SLCO1B1: variants seen among roughly 807,000 people sequenced by gnomAD.
The protein encoded by SLCO1B1 is solute carrier organic anion transporter family member 1B1.
Under a neutral mutation model 70.1 loss-of-function variants are expected in SLCO1B1, and 81 were observed. The ratio of observed to expected loss-of-function variants is 1.16; its 90% CI spans 0.97 to 1.39. SLCO1B1 has a LOEUF of 1.39. Ranked by LOEUF, SLCO1B1 falls within the 40% of genes most tolerant of loss-of-function variation. The pLI, the probability that SLCO1B1 is intolerant of heterozygous loss-of-function variation, is 0.00. For synonymous variants in SLCO1B1, 283 were observed against 271.5 expected (o/e 1.04, Z -0.42); for missense variants, 895 against 799.6 (o/e 1.12, Z -1.44).
rs1215596132 is a variant in SLCO1B1 at position 21,205,961 on chromosome 12, A to G, written c.1425A>G (p.Gly475=). ...AAAGTCAATGGGAACCAGTCTGTGG[A>G]AACAATGGAATAACTTACATCTCAC... ...CDESQWEPVC[G]NNGITYISPC... is the part of the protein sequence containing the mutation. Residue 475 remains glycine, a synonymous_variant, in exon 11 of 15, where the codon GGA becomes GGG. Transcript: ENST00000256958. 1 of 1,612,324 alleles carries G rather than the reference A, an allele frequency of 6.2e-7. No homozygotes were observed. The highest frequency in any genetic ancestry group is 8.5e-7 in the Non-Finnish European group (1 of 1,178,738).
At chr12:21,187,562 G>A (rs909885234) in intron 7 of SLCO1B1, among the ~76,000 whole-genome samples, 1 of 151,862 alleles carries the variant, frequency 6.6e-6, no homozygotes, top group African/African-American at 2.4e-5. Flanking sequence ...CATTACAGAT[G>A]ATACTCTAAC....
Position 21,178,636 on chromosome 12 carries a change from G to T in SLCO1B1, c.542G>T (p.Arg181Leu). The change falls in exon 6 of 15, where the codon CGT becomes CTT. Residue 181 changes from arginine (R) to leucine (L), a missense_variant. Transcript: ENST00000256958. The part of the protein sequence containing the change: ...WIYVFMGNML[R>L]GIGETPIVPL... ...TATGTGTTCATGGGTAATATGCTTC[G>T]TGGAATAGGGGAGACTCCCATAGTA... 2 of 1,607,990 alleles carry T rather than the reference G, an allele frequency of 1.2e-6. No individual in the cohort carries two copies. The highest frequency in any genetic ancestry group is 1.7e-6 in the Non-Finnish European group (2 of 1,174,578).
chr12:21,181,280 G>A (rs991262), intron 7 of SLCO1B1, among the ~76,000 whole-genome samples: 6,155 of 152,128 alleles, frequency 0.04, 168 homozygotes, highest in Non-Finnish European at 0.066. Flanking sequence ...TTTTTCTCAC[G>A]TCCTATCTAG....
intron 7 of SLCO1B1, among the ~76,000 whole-genome samples, chr12:21,192,256 A>G (rs1941038232): frequency 6.6e-6 from 1 of 151,950 alleles, no homozygotes; most frequent in African/African-American, 2.4e-5. Flanking sequence ...TTTTTTGTTG[A>G]GAAGTATTTG....
At chr12:21,143,745 G>A (rs955905756) in intron 2 of SLCO1B1, among the ~76,000 whole-genome samples, 1 of 151,954 alleles carries the variant, frequency 6.6e-6, no homozygotes, top group Admixed American at 6.6e-5. Flanking sequence ...TGTAATATTA[G>A]TACCCTCAAG....
rs143227923 is a variant in SLCO1B1, at chr12:21,167,506, G to C, written c.85-5144G>C. Among the ~76,000 whole-genome samples the C allele has an allele frequency of 3.9e-5, 6 of 152,226 alleles. No homozygotes were observed. In the East Asian group the frequency reaches 1.2e-3, roughly 29 times the overall value. On this transcript the variant is annotated intron_variant, in intron 2 of 14. Transcript: ENST00000256958. ...CACTTTAAACATATCCAGTAGGAGA[G>C]GTTAATTCTCTCAGCAGGAGACCAC...
At chr12:21,174,465 C>G in intron 3 of SLCO1B1, 112 bp from the exon 4 acceptor site, 1 of 993,388 alleles carries the variant, frequency 1.0e-6, no homozygotes, top group East Asian at 2.6e-5. Flanking sequence ...ATCACATTGT[C>G]TTTGAGGGAA....
chr12:21,217,445 A>G, intron 12 of SLCO1B1, 142 bp downstream of exon 12: 1 of 753,262 alleles, frequency 1.3e-6, no homozygotes, highest in Non-Finnish European at 2.2e-6. Context: ...TTTTATTAAA[A>G]TTACTATGAA....
intron 1 of SLCO1B1, among the ~76,000 whole-genome samples, chr12:21,137,160 A>G (rs916737729): frequency 6.6e-6 from 1 of 152,148 alleles, no homozygotes; most frequent in African/African-American, 2.4e-5. Flanking sequence ...TTGGTGAACC[A>G]CAAATGCTGC....
At chr12:21,209,059 T>A (rs141418475) in intron 11 of SLCO1B1, among the ~76,000 whole-genome samples, 3,511 of 151,232 alleles carry the variant, frequency 0.023, 135 homozygotes, top group African/African-American at 0.08. Context: ...TTAATTAATT[T>A]ATTTATTTTT....
At chr12:21,210,733 C>T (rs1448889475) in intron 11 of SLCO1B1, among the ~76,000 whole-genome samples, 1 of 148,138 alleles carries the variant, frequency 6.8e-6, no homozygotes, top group Admixed American at 6.8e-5. Context: ...TCTTTTATTT[C>T]CTTGAGCAGT....
chr12:21,159,764 C>T (rs1940590073), intron 2 of SLCO1B1, among the ~76,000 whole-genome samples: 1 of 152,048 alleles, frequency 6.6e-6, no homozygotes, highest in Admixed American at 6.6e-5. Flanking sequence ...TGATAAACAA[C>T]TTCAGCAAAG....
intron 5 of SLCO1B1, among the ~76,000 whole-genome samples, chr12:21,178,273 A>G (rs1940845148): frequency 1.3e-5 from 2 of 152,084 alleles, no homozygotes; most frequent in Admixed American, 6.6e-5. Flanking sequence ...GCCACCATGT[A>G]AGACATGGCT....
intron 13 of SLCO1B1, among the ~76,000 whole-genome samples, chr12:21,223,551 A>G (rs1941452248): frequency 6.6e-6 from 1 of 152,038 alleles, no homozygotes; most frequent in Non-Finnish European, 1.5e-5. Context: ...AAACCTGAAA[A>G]TTTCTCACTC....
intron 1 of SLCO1B1, among the ~76,000 whole-genome samples, chr12:21,133,449 T>C (rs1241121895): frequency 6.6e-6 from 1 of 152,230 alleles, no homozygotes; most frequent in African/African-American, 2.4e-5. Context: ...TGATATTGAT[T>C]CTTCCTGCCC....
rs941934886 is a variant in SLCO1B1, at chr12:21,178,430, T to C, written c.482-146T>C. The C allele has an allele frequency of 2.2e-5, 14 of 636,994 alleles. No homozygotes were observed. The East Asian group carries it at 3.9e-4, about 18-fold the overall frequency. The allele number at this position is 636,994 out of a possible 1,614,324, so 39.5% of individuals were successfully genotyped here. The stretch of plus-strand genomic sequence containing the variant: ...AAGAATGGACTAATACACCATATTG[T>C]CAAAGTTTGCAAAGTGAATATAAAT... On this transcript the variant is annotated intron_variant, in intron 5 of 14. Transcript: ENST00000256958.
chr12:21,143,922 T>G (rs1416122840), intron 2 of SLCO1B1, among the ~76,000 whole-genome samples: 2 of 152,108 alleles, frequency 1.3e-5, no homozygotes, highest in African/African-American at 4.8e-5. Context: ...GTTACTGACT[T>G]ACATATACAG....
At chr12:21,207,274 T>C (rs1941225436) in intron 11 of SLCO1B1, among the ~76,000 whole-genome samples, 1 of 151,962 alleles carries the variant, frequency 6.6e-6, no homozygotes, top group Non-Finnish European at 1.5e-5. Context: ...AGTGGCTTTT[T>C]AGTACTTGCT....
intron 7 of SLCO1B1, among the ~76,000 whole-genome samples, chr12:21,183,670 T>A (rs771512379): frequency 3.3e-5 from 5 of 152,058 alleles, no homozygotes; most frequent in African/African-American, 7.2e-5. Context: ...CAACAAGAAA[T>A]CTGGCAATTC....
Sources: allele counts gnomAD v4.1 joint callset (sites outside exome capture counted in the v4.1 genomes callset), GRCh38; gene constraint gnomAD v4.1.1; transcripts MANE v1.5; gene names NCBI Gene and HGNC (gene_info 2026-07-23, HGNC 2026-07-21).